The following MED1 variants were observed in gnomAD, a reference collection of about 807,000 sequenced individuals.
MED1 encodes mediator complex subunit 1, also known as mediator of RNA polymerase II transcription subunit 1.
Under a neutral mutation model 121.3 loss-of-function variants are expected in MED1, and 17 were observed. That is an observed-to-expected ratio of 0.14 (90% CI 0.10 to 0.21). The LOEUF is 0.21. Ranked by LOEUF, MED1 falls within the 10% of genes least tolerant of loss-of-function variation. The probability of loss-of-function intolerance (pLI) is 1.00; values close to 1 mark genes in which losing one functional copy is unlikely to be tolerated. For synonymous variants in MED1, 661 were observed against 694.4 expected (o/e 0.95, Z 0.76); for missense variants, 1,558 against 1,919.4 (o/e 0.81, Z 3.52).
intron 1 of MED1, among the ~76,000 whole-genome samples, chr17:39,449,192 T>C (rs1336197546): frequency 6.6e-6 from 1 of 152,120 alleles, no homozygotes; most frequent in Non-Finnish European, 1.5e-5. Context: ...ATAGCTAATT[T>C]TCCCTTGAAA....
At chr17:39,422,715 A>G (rs952721803) in intron 13 of MED1, among the ~76,000 whole-genome samples, 1 of 150,838 alleles carries the variant, frequency 6.6e-6, no homozygotes, top group African/African-American at 2.4e-5. Flanking sequence ...ATCTCTAGTG[A>G]CCACCCGCCT....
In MED1 at chr17:39,451,069, G is replaced by A. The variant is rs1464906170; in HGVS notation, c.-7C>T. 5 of 1,610,538 alleles carry A rather than the reference G, an allele frequency of 3.1e-6. No individual in the cohort carries two copies. Among genetic ancestry groups the A allele is most frequent in the Non-Finnish European group, 3.4e-6 (4 of 1,178,614 alleles). On this transcript the variant is annotated 5_prime_UTR_variant, in exon 1 of 17. Coordinates refer to ENST00000300651, the MANE Select transcript of MED1 (RefSeq NM_004774.4). Reference sequence around the variant, plus strand: ...TTTCCCCCTGAGCTTTCATCCTGAAGGCGAGGAGAAGCTAGATCCGCCACA... The same window carrying A: ...TTTCCCCCTGAGCTTTCATCCTGAAAGCGAGGAGAAGCTAGATCCGCCACA...
At chr17:39,410,873 T>C in intron 16 of MED1, 152 bp from the exon 17 acceptor site, 1 of 1,195,896 alleles carries the variant, frequency 8.4e-7, no homozygotes, top group East Asian at 2.6e-5. Context: ...ATACCAGAGC[T>C]TTGGGTAAAT....
chr17:39,434,212 T>C, intron 7 of MED1, 37 bp downstream of exon 7: 1 of 1,430,960 alleles, frequency 7.0e-7, no homozygotes. Flanking sequence ...TTATACTGAT[T>C]TTTACAAACA....
In MED1 at chr17:39,427,712, T is replaced by C; in HGVS notation, c.728A>G (p.His243Arg). 6.3e-7 allele frequency: 1 copy of C among 1,594,094 alleles called. No individual in the cohort carries two copies. The highest frequency in any genetic ancestry group is 1.3e-5 in the African/African-American group (1 of 74,550). ...DDKTASPIIL[H>R]ENNVSRSLGM... is the part of the protein sequence containing the mutation. ...AATTAAAGTCTTACCATTATTCTCA[T>C]GCAAAATGATGGGAGATGCAGTCTT... Residue 243 changes from histidine to arginine, a missense_variant, in exon 10 of 17, where the codon CAT becomes CGT. Around this residue, in one of 5 missense-constraint regions of MED1, gnomAD observed 443 missense variants for 532.4 expected, o/e 0.83. Coordinates refer to ENST00000300651, the MANE Select transcript of MED1 (RefSeq NM_004774.4).
At chr17:39,428,793 A>G (rs532283246) in intron 9 of MED1, among the ~76,000 whole-genome samples, 1 of 152,086 alleles carries the variant, frequency 6.6e-6, no homozygotes, top group East Asian at 1.9e-4. Context: ...TCTACTAAAA[A>G]TACAAAAAAT....
intron 7 of MED1, among the ~76,000 whole-genome samples, chr17:39,433,527 C>CTATATATATATATATATATATATA (rs149231162): frequency 2.1e-5 from 3 of 144,364 alleles, no homozygotes; most frequent in African/African-American, 7.7e-5. Context: ...TTTTTTGTTA[C>CTATATATATATATATATATATATA]TATATATATA....
At chr17:39,421,414 G>A (rs1168066214) in intron 13 of MED1, among the ~76,000 whole-genome samples, 1 of 150,822 alleles carries the variant, frequency 6.6e-6, no homozygotes, top group Non-Finnish European at 1.5e-5. Context: ...TCTGGGCATG[G>A]TGGTGCACAC....
rs758931761 is a variant in MED1 at position 39,410,070 on chromosome 17, A to C, written c.2151T>G (p.Val717=). The change falls in exon 17 of 17, where the codon GTT becomes GTG. Residue 717 remains valine, a synonymous_variant. Transcript: ENST00000300651. The part of the protein sequence containing the change: ...DFQRELFSMD[V]DSQNPIFDVN... Reference sequence around the variant, plus strand: ...CATCAAAGATAGGGTTCTGTGAGTCAACATCCATTGAAAATAGCTCCCTCT... The same window carrying C: ...CATCAAAGATAGGGTTCTGTGAGTCCACATCCATTGAAAATAGCTCCCTCT... The C allele has an allele frequency of 6.2e-6, 10 of 1,614,100 alleles. No homozygotes were observed. The highest frequency in any genetic ancestry group is 6.8e-6 in the Non-Finnish European group (8 of 1,180,008).
At position 39,419,867 on chromosome 17, in the gene MED1, G is replaced by A. The variant is rs745807119; in HGVS notation, c.1147C>T (p.Pro383Ser). The change falls in exon 14 of 17, where the codon CCA (proline) becomes TCA (serine). Residue 383 changes from proline (P) to serine (S), a missense_variant. Physicochemically the swap from Pro to Ser is moderately conservative, Grantham distance 74. Around this residue, in one of 5 missense-constraint regions of MED1, gnomAD observed 443 missense variants for 532.4 expected, o/e 0.83. Coordinates refer to ENST00000300651, the MANE Select transcript of MED1 (RefSeq NM_004774.4). ...CYFLNKDAPL[P>S]DGRSLQGTLV... ...GTTCCCTGTAGACTTCGGCCATCTG[G>A]AAGAGGAGCATCCTTGTTGAGGAAA... 3.7e-6 allele frequency: 6 copies of A among 1,614,126 alleles called. No homozygotes were observed. The South Asian group carries it at 5.5e-5, about 15-fold the overall frequency.
In MED1 at chr17:39,431,102, T is replaced by C. The variant is rs754509850; in HGVS notation, c.649+13A>G. ...TACACATGTTTCTAAACAAGCAAAA[T>C]AGGATCACGTACCCCCACTCCTTGG... On this transcript the variant is annotated intron_variant, in intron 9 of 16. Coordinates refer to ENST00000300651, the MANE Select transcript of MED1 (RefSeq NM_004774.4). 13 of 1,599,140 alleles carry C rather than the reference T, an allele frequency of 8.1e-6. No individual in the cohort carries two copies. In the Admixed American group the frequency reaches 1.0e-4, roughly 12 times the overall value.
chr17:39,434,945 C>T (rs2048604181), intron 6 of MED1, among the ~76,000 whole-genome samples: 1 of 152,084 alleles, frequency 6.6e-6, no homozygotes, highest in Non-Finnish European at 1.5e-5. Context: ...GTGGGTGGAT[C>T]ATGAGGTTAG....
intron 12 of MED1, 119 bp downstream of exon 12, chr17:39,423,578 A>G: frequency 2.7e-6 from 4 of 1,479,978 alleles, no homozygotes; most frequent in Non-Finnish European, 2.8e-6. Flanking sequence ...GCACTATAAC[A>G]TCTTTACCAG....
intron 5 of MED1, among the ~76,000 whole-genome samples, chr17:39,439,993 G>A (rs866959814): frequency 5.3e-5 from 6 of 112,748 alleles, no homozygotes; most frequent in African/African-American, 1.6e-4. Flanking sequence ...AAAGAAGGAA[G>A]GAAGGAAGGA....
chr17:39,423,387 C>T lies in MED1; in HGVS notation c.1035G>A (p.Gln345=), dbSNP rs1234183197. ...GGTCAGGGTCCTTTGATAGCTCAAA[C>T]TGAGTGATCAGTTCATACAGGGGTG... The part of the protein sequence containing the change: ...TYAPLYELIT[Q]FELSKDPDPI... The change falls in exon 13 of 17, where the codon CAG becomes CAA. Residue 345 remains glutamine (Q), a synonymous_variant. Coordinates refer to ENST00000300651, the MANE Select transcript of MED1 (RefSeq NM_004774.4). 6.2e-7 allele frequency: 1 copy of T among 1,613,888 alleles called. No homozygotes were observed. Among genetic ancestry groups the T allele is most frequent in the Non-Finnish European group, 8.5e-7 (1 of 1,179,974 alleles).
At chr17:39,423,532 C>T in intron 12 of MED1, 87 bp from the exon 13 acceptor site, 1 of 1,418,062 alleles carries the variant, frequency 7.1e-7, no homozygotes, top group Non-Finnish European at 9.9e-7. Context: ...ATTCATTCAC[C>T]CAAAAGAGTA....
rs1238896157 is a variant in MED1 at position 39,415,080 on chromosome 17, C to G, written c.1445G>C (p.Gly482Ala). The change falls in exon 16 of 17, where the codon GGG becomes GCG. Residue 482 changes from glycine to alanine, a missense_variant. Transcript: ENST00000300651. ...STHVSCKLYK[G>A]LSDALICTDD... ...TGTGCAGATCAGTGCATCCGACAGC[C>G]CTTTGTAGAGTTTACAGCTCACATG... is the stretch of plus-strand genomic sequence containing the variant. 6.2e-7 allele frequency: 1 copy of G among 1,614,008 alleles called. No individual in the cohort carries two copies. Among genetic ancestry groups the G allele is most frequent in the African/African-American group, 1.3e-5 (1 of 74,916 alleles).
chr17:39,413,213 T>C (rs891502170), intron 16 of MED1, among the ~76,000 whole-genome samples: 1 of 152,068 alleles, frequency 6.6e-6, no homozygotes, highest in Non-Finnish European at 1.5e-5. Flanking sequence ...TAGCTGGGAT[T>C]ATAGGCACCT....
intron 10 of MED1, among the ~76,000 whole-genome samples, chr17:39,425,031 C>G (rs1001424852): frequency 6.6e-6 from 1 of 152,102 alleles, no homozygotes; most frequent in Non-Finnish European, 1.5e-5. Context: ...AGGCGCCCAT[C>G]ACCATGCCCG....
Sources: gnomAD v4.1 joint callset for allele counts (sites outside exome capture counted in the v4.1 genomes callset) on GRCh38, gnomAD v4.1.1 for gene constraint, gnomAD v4.1.1 regional missense constraint, MANE v1.5 for transcripts, NCBI Gene and HGNC (gene_info 2026-07-23, HGNC 2026-07-21) for gene names.